RNF180: variants seen among roughly 807,000 people sequenced by gnomAD.
The protein encoded by RNF180 is ring finger protein 180.
In RNF180, 38 loss-of-function variants were observed where a neutral mutation model predicts 59.2. The ratio of observed to expected loss-of-function variants is 0.64; its 90% CI spans 0.50 to 0.84. RNF180 has a LOEUF of 0.84. Among genes scored for constraint, RNF180 ranks in the 40% least tolerant of loss-of-function variants. The pLI is 0.00. For missense variants in RNF180, 705 were observed against 700.9 expected, an observed-to-expected ratio of 1.01 and a Z score of -0.07; for synonymous variants, 262 against 240.3, an observed-to-expected ratio of 1.09 and a Z score of -0.84.
intron 2 of RNF180, among the ~76,000 whole-genome samples, chr5:64,206,276 T>C (rs1340311893): frequency 6.6e-6 from 1 of 152,200 alleles, no homozygotes; most frequent in Non-Finnish European, 1.5e-5. Flanking sequence ...AGCTGAGGGA[T>C]GGTCAAACAC....
intron 5 of RNF180, among the ~76,000 whole-genome samples, chr5:64,320,231 C>T (rs1327548428): frequency 1.3e-5 from 2 of 152,178 alleles, no homozygotes; most frequent in African/African-American, 4.8e-5. Flanking sequence ...TCCTGCCCTT[C>T]CACTTCCCAT....
At chr5:64,172,110 T>A (rs1310360431) in intron 1 of RNF180, among the ~76,000 whole-genome samples, 1 of 152,180 alleles carries the variant, frequency 6.6e-6, no homozygotes, top group African/African-American at 2.4e-5. Flanking sequence ...TTTATTGGTA[T>A]GCCTGAAAAA....
intron 3 of RNF180, among the ~76,000 whole-genome samples, 163 bp from the exon 4 acceptor site, chr5:64,213,391 TGGAA>T (rs1021506461): frequency 3.2e-4 from 49 of 152,240 alleles, no homozygotes; most frequent in African/African-American, 1.2e-3. Context: ...CTTTATTTCT[TGGAA>T]GGCTTGTTTT....
chr5:64,227,835 C>A (rs2112183092), intron 5 of RNF180, among the ~76,000 whole-genome samples: 1 of 152,258 alleles, frequency 6.6e-6, no homozygotes, highest in Admixed American at 6.5e-5. Context: ...AAAAATAAAT[C>A]TGCACATTTG....
chr5:64,249,785 A>G (rs1388970487), intron 5 of RNF180, among the ~76,000 whole-genome samples: 7 of 152,202 alleles, frequency 4.6e-5, no homozygotes, highest in Admixed American at 4.6e-4. Context: ...ATAGTTGTAC[A>G]TATATATGCA....
At chr5:64,366,719 C>T (rs543514648) in intron 7 of RNF180, among the ~76,000 whole-genome samples, 1 of 151,462 alleles carries the variant, frequency 6.6e-6, no homozygotes, top group Admixed American at 6.6e-5. Context: ...ATGAACAAAG[C>T]CTGTGTGACA....
At chr5:64,192,643 G>C (rs751705185) in intron 1 of RNF180, among the ~76,000 whole-genome samples, 5 of 152,012 alleles carry the variant, frequency 3.3e-5, no homozygotes, top group African/African-American at 4.8e-5. Context: ...CTGCACTCCA[G>C]CCTGGGCGAC....
chr5:64,294,273 G>T (rs924255575), intron 5 of RNF180, among the ~76,000 whole-genome samples: 9 of 152,164 alleles, frequency 5.9e-5, no homozygotes, highest in Admixed American at 2.0e-4. Flanking sequence ...GTAAATGCTT[G>T]AGGGGATGGA....
chr5:64,178,560 C>T (rs1357854705), intron 1 of RNF180, among the ~76,000 whole-genome samples: 1 of 152,132 alleles, frequency 6.6e-6, no homozygotes, highest in Non-Finnish European at 1.5e-5. Flanking sequence ...TGAAAGGCAC[C>T]TATGTTTTTC....
intron 5 of RNF180, among the ~76,000 whole-genome samples, chr5:64,251,067 T>C (rs1743543460): frequency 6.6e-6 from 1 of 152,166 alleles, no homozygotes; most frequent in East Asian, 1.9e-4. Context: ...CATAAATAAA[T>C]AAATGTGATA....
At chr5:64,179,523 T>C (rs1671691218) in intron 1 of RNF180, among the ~76,000 whole-genome samples, 1 of 152,178 alleles carries the variant, frequency 6.6e-6, no homozygotes, top group African/African-American at 2.4e-5. Flanking sequence ...GTGTTATTCT[T>C]TAATGTGTAT....
intron 5 of RNF180, among the ~76,000 whole-genome samples, chr5:64,250,439 A>G (rs949961825): frequency 7.9e-5 from 12 of 152,184 alleles, no homozygotes; most frequent in Admixed American, 1.3e-4. Flanking sequence ...AATGAAATGT[A>G]CACTAGGAAA....
chr5:64,275,732 G>T (rs1028278266), intron 5 of RNF180, among the ~76,000 whole-genome samples: 2 of 151,914 alleles, frequency 1.3e-5, no homozygotes, highest in Admixed American at 1.3e-4. Context: ...TGTTGGCAAG[G>T]ATGAATATTT....
chr5:64,357,990 A>T (rs1746097737), intron 7 of RNF180, among the ~76,000 whole-genome samples: 1 of 151,812 alleles, frequency 6.6e-6, no homozygotes, highest in Non-Finnish European at 1.5e-5. Flanking sequence ...ACCACAGTGA[A>T]TTTCTCCAAG....
intron 1 of RNF180, among the ~76,000 whole-genome samples, chr5:64,194,828 C>T (rs918144415): frequency 3.8e-4 from 58 of 152,178 alleles, no homozygotes; most frequent in African/African-American, 9.9e-4. Context: ...TCATATCCTT[C>T]GCCCACTTTT....
At chr5:64,358,940 C>T (rs1746134313) in intron 7 of RNF180, among the ~76,000 whole-genome samples, 1 of 151,670 alleles carries the variant, frequency 6.6e-6, no homozygotes, top group African/African-American at 2.4e-5. Flanking sequence ...CAATTTCACC[C>T]ATGTCCCTAC....
chr5:64,263,331 G>A (rs767660633), intron 5 of RNF180, among the ~76,000 whole-genome samples: 54 of 152,136 alleles, frequency 3.5e-4, no homozygotes, highest in Non-Finnish European at 6.8e-4. Context: ...TCTCCATGGT[G>A]TAAATATTCT....
intron 1 of RNF180, among the ~76,000 whole-genome samples, chr5:64,173,803 C>A (rs566170568): frequency 5.9e-5 from 9 of 151,696 alleles, no homozygotes; most frequent in Non-Finnish European, 1.2e-4. Flanking sequence ...GCAACCTCTG[C>A]CTCCCGGGTT....
At chr5:64,279,445 T>G (rs1741891943) in intron 5 of RNF180, among the ~76,000 whole-genome samples, 1 of 152,090 alleles carries the variant, frequency 6.6e-6, no homozygotes, top group African/African-American at 2.4e-5. Context: ...TGTTGTTGTT[T>G]TTTGTTTGTT....
Sources: gnomAD v4.1 joint callset for allele counts (sites outside exome capture counted in the v4.1 genomes callset) on GRCh38, gnomAD v4.1.1 for gene constraint, MANE v1.5 for transcripts, NCBI Gene and HGNC (gene_info 2026-07-23, HGNC 2026-07-21) for gene names.